The following CDH4 variants were observed in gnomAD, a reference collection of about 807,000 sequenced individuals.
CDH4 encodes cadherin-4.
Under a neutral mutation model 86.0 loss-of-function variants are expected in CDH4, and 33 were observed. The ratio of observed to expected loss-of-function variants is 0.38; its 90% CI spans 0.29 to 0.51. CDH4 has a LOEUF of 0.51. Among genes scored for constraint, CDH4 ranks in the 20% least tolerant of loss-of-function variants. CDH4 has a pLI of 0.86. For synonymous variants in CDH4, 555 were observed against 549.4 expected (o/e 1.01, Z -0.14); for missense variants, 1,114 against 1,307.4 (o/e 0.85, Z 2.28).
At chr20:61,496,370 C>T (rs1376101041) in intron 2 of CDH4, among the ~76,000 whole-genome samples, 5 of 151,900 alleles carry the variant, frequency 3.3e-5, no homozygotes, top group African/African-American at 1.2e-4. Flanking sequence ...CCACTGCACT[C>T]CAGCCTGGGC....
intron 2 of CDH4, among the ~76,000 whole-genome samples, chr20:61,315,212 C>T (rs1470249920): frequency 1.3e-5 from 2 of 151,998 alleles, no homozygotes; most frequent in African/African-American, 2.4e-5. Flanking sequence ...TTGGGTGGGG[C>T]TTGTGATCTG....
chr20:61,367,014 A>C (rs556402351), intron 2 of CDH4, among the ~76,000 whole-genome samples: 8 of 152,290 alleles, frequency 5.3e-5, no homozygotes, highest in Non-Finnish European at 8.8e-5. Context: ...GCAACGAGAC[A>C]GCGGGGCCCA....
intron 2 of CDH4, among the ~76,000 whole-genome samples, chr20:61,479,714 T>C (rs1164486167): frequency 6.6e-6 from 1 of 152,228 alleles, no homozygotes; most frequent in African/African-American, 2.4e-5. Flanking sequence ...TGGGGTTTGC[T>C]GAGCTTCTTG....
At chr20:61,538,705 C>CTCCCACTAT (rs2086016798) in intron 2 of CDH4, among the ~76,000 whole-genome samples, 2 of 152,348 alleles carry the variant, frequency 1.3e-5, no homozygotes, top group East Asian at 1.9e-4. Flanking sequence ...GGGACACTTG[C>CTCCCACTAT]TCCCACTATT....
At chr20:61,318,734 G>A (rs2123237142) in intron 2 of CDH4, among the ~76,000 whole-genome samples, 1 of 152,366 alleles carries the variant, frequency 6.6e-6, no homozygotes, top group South Asian at 2.1e-4. Flanking sequence ...TTGGCTTTAT[G>A]TTATTAATTA....
intron 3 of CDH4, among the ~76,000 whole-genome samples, chr20:61,753,527 A>G (rs1289657356): frequency 1.3e-5 from 2 of 152,196 alleles, no homozygotes; most frequent in Non-Finnish European, 2.9e-5. Flanking sequence ...AGGAAATGCA[A>G]ATGAGGTCAC....
Position 61,810,602 on chromosome 20 carries a change from G to A in CDH4, c.577-34066G>A, listed in dbSNP as rs532238308. On this transcript the variant is annotated intron_variant, in intron 4 of 15. Coordinates refer to ENST00000614565, the MANE Select transcript of CDH4 (RefSeq NM_001794.5). This position sits in a 1 kb window ranked among gnomAD's most constrained non-coding sequence, Gnocchi z 4.3. ...CGCCTCACCCTGCCTCCTGCCTCCCGCCCTGCTCCCATCCACCACTACCAA... is the reference window on the plus strand; with the variant it reads ...CGCCTCACCCTGCCTCCTGCCTCCCACCCTGCTCCCATCCACCACTACCAA... Among the ~76,000 whole-genome samples, 2 of 152,088 alleles carry A rather than the reference G, an allele frequency of 1.3e-5. No homozygotes were observed. Among genetic ancestry groups the A allele is most frequent in the Non-Finnish European group, 2.9e-5 (2 of 67,992 alleles).
At chr20:61,271,239 T>G (rs2084181478) in intron 2 of CDH4, among the ~76,000 whole-genome samples, 2 of 152,172 alleles carry the variant, frequency 1.3e-5, no homozygotes, top group Admixed American at 1.3e-4. Flanking sequence ...CTCATCTGCT[T>G]TACTTGGGAT....
At chr20:61,662,098 C>T (rs1159575773) in intron 2 of CDH4, among the ~76,000 whole-genome samples, 1 of 152,180 alleles carries the variant, frequency 6.6e-6, no homozygotes, top group Non-Finnish European at 1.5e-5. Flanking sequence ...AAGAAGCAGC[C>T]TTCCATCCCC....
At chr20:61,451,088 A>T (rs1238370136) in intron 2 of CDH4, among the ~76,000 whole-genome samples, 2 of 150,486 alleles carry the variant, frequency 1.3e-5, no homozygotes, top group South Asian at 2.1e-4. Context: ...ATAGATGCTC[A>T]CCAGCTTTTC....
intron 2 of CDH4, among the ~76,000 whole-genome samples, chr20:61,311,469 G>A (rs1014228622): frequency 6.6e-6 from 1 of 152,188 alleles, no homozygotes; most frequent in Non-Finnish European, 1.5e-5. Flanking sequence ...ATGCAAATTA[G>A]GACAGTGCCC....
chr20:61,921,726 T>G (rs1600776057), intron 9 of CDH4, among the ~76,000 whole-genome samples: 2 of 150,664 alleles, frequency 1.3e-5, no homozygotes, highest in Non-Finnish European at 1.5e-5. Context: ...CACTCCAGCC[T>G]GGCAATGGAG....
chr20:61,883,572 C>G (rs759515615), intron 7 of CDH4, among the ~76,000 whole-genome samples: 2 of 152,218 alleles, frequency 1.3e-5, no homozygotes, highest in South Asian at 4.1e-4. Context: ...CACAGGAGGG[C>G]AAGGGCTCCA....
chr20:61,259,424 A>G (rs1039780558), intron 2 of CDH4, among the ~76,000 whole-genome samples: 1 of 152,212 alleles, frequency 6.6e-6, no homozygotes, highest in African/African-American at 2.4e-5. Flanking sequence ...ATGTCATCCC[A>G]TCTCCCTGCA....
intron 2 of CDH4, among the ~76,000 whole-genome samples, chr20:61,466,809 C>T (rs2085474527): frequency 6.6e-6 from 1 of 151,640 alleles, no homozygotes; most frequent in Non-Finnish European, 1.5e-5. Flanking sequence ...CAAGAACGCA[C>T]CACTGCACTC....
At chr20:61,727,803 A>G (rs1040377517) in intron 2 of CDH4, among the ~76,000 whole-genome samples, 6 of 152,174 alleles carry the variant, frequency 3.9e-5, no homozygotes, top group South Asian at 2.1e-4. Flanking sequence ...TTCATGAGAC[A>G]TCTGTCCCCA....
chr20:61,820,897 G>A (rs1980987835), intron 4 of CDH4, among the ~76,000 whole-genome samples: 1 of 152,120 alleles, frequency 6.6e-6, no homozygotes. Context: ...AATATGACAT[G>A]CAGGTAGAAA....
rs1436624175 is a variant in CDH4, at chr20:61,684,497, A to G, written c.170-59066A>G. Reference sequence around the variant, plus strand: ...TGAGCCTGGGCAGAATTCGGAGGCAACCATCTCCTGGCCGCCTGTTCCATA... The same window carrying G: ...TGAGCCTGGGCAGAATTCGGAGGCAGCCATCTCCTGGCCGCCTGTTCCATA... On this transcript the variant is annotated intron_variant, in intron 2 of 15. Coordinates refer to ENST00000614565, the MANE Select transcript of CDH4 (RefSeq NM_001794.5). This position sits in a 1 kb window ranked among gnomAD's most constrained non-coding sequence, Gnocchi z 4.5. Among the ~76,000 whole-genome samples, 2 of 152,172 alleles carry G rather than the reference A, an allele frequency of 1.3e-5. No homozygotes were observed. Among genetic ancestry groups the G allele is most frequent in the East Asian group, 1.9e-4 (1 of 5,194 alleles).
chr20:61,789,103 C>G (rs1423718061), intron 4 of CDH4, among the ~76,000 whole-genome samples: 2 of 152,162 alleles, frequency 1.3e-5, no homozygotes, highest in African/African-American at 4.8e-5. Context: ...TGGTCAGGCA[C>G]CAGGGCTCAG....
Sources: gnomAD v4.1 joint callset for allele counts (sites outside exome capture counted in the v4.1 genomes callset) on GRCh38, gnomAD v4.1.1 for gene constraint, Gnocchi (gnomAD v3.1) non-coding constraint, MANE v1.5 for transcripts, NCBI Gene and HGNC (gene_info 2026-07-23, HGNC 2026-07-21) for gene names.